The following TENM2 variants were observed in gnomAD, a reference collection of about 807,000 sequenced individuals.
TENM2 encodes teneurin transmembrane protein 2.
TENM2 carries 52 observed loss-of-function variants against 245.2 expected under a neutral mutation model. The observed-to-expected ratio is 0.21, with a 90% CI of 0.17 to 0.27. The LOEUF is 0.27. Among genes scored for constraint, TENM2 ranks in the 10% least tolerant of loss-of-function variants. TENM2 has a pLI of 1.00. For missense variants in TENM2, 3,046 were observed against 3,666.8 expected (o/e 0.83, Z 4.37); for synonymous variants, 1,363 against 1,438.9 (o/e 0.95, Z 1.19).
the TENM2 span, among the ~76,000 whole-genome samples, chr5:167,154,869 A>C: frequency 6.6e-6 from 1 of 152,240 alleles, no homozygotes; most frequent in African/African-American, 2.4e-5. Context: ...AGTGTTGGGC[A>C]CATAGAAAGT....
chr5:168,158,267 C>T lies in TENM2; in HGVS notation c.2423-4344C>T, dbSNP rs1055383034. On this transcript the variant is annotated intron_variant, in intron 12 of 28. Transcript: ENST00000518659. ...TGACAGAACTAGCCCATTAATATCA[C>T]TGGCGTCCTTAAAAATTCTCCCTGG... is the stretch of plus-strand genomic sequence containing the variant. 2.6e-5 allele frequency among the ~76,000 whole-genome samples: 4 copies of T among 152,274 alleles called. No individual in the cohort carries two copies. The South Asian group carries it at 8.3e-4, about 32-fold the overall frequency.
chr5:167,550,701 T>A (rs1310926380), intron 2 of TENM2, among the ~76,000 whole-genome samples: 1 of 1,632 alleles, frequency 6.1e-4, no homozygotes, highest in East Asian at 0.024. Flanking sequence ...TTGTTGTTAG[T>A]GTGTGTGTGT....
Position 167,821,287 on chromosome 5 carries a change from G to GT in TENM2, c.503-54698dup, listed in dbSNP as rs556604796. ...CTCACAGACATGAAGCTTCAGAATG[G>GT]TAAGTGTCAATTACATTCCTACCGA... On this transcript the variant is annotated intron_variant, in intron 2 of 28. Transcript: ENST00000518659. 18 of 152,288 alleles carry GT rather than the reference G, an allele frequency of 1.2e-4. No homozygotes were observed. The East Asian group carries it at 2.5e-3, about 21-fold the overall frequency. 9.4% of individuals were successfully genotyped at this position (152,288 alleles called of 1,614,324 possible).
At chr5:167,510,885 G>A (rs1476432347) in intron 2 of TENM2, among the ~76,000 whole-genome samples, 1 of 151,860 alleles carries the variant, frequency 6.6e-6, no homozygotes, top group Non-Finnish European at 1.5e-5. Context: ...TTAAATCATA[G>A]CTTTTTGTCA....
chr5:167,444,352 T>C (rs551190624), intron 2 of TENM2, among the ~76,000 whole-genome samples: 47 of 151,684 alleles, frequency 3.1e-4, no homozygotes, highest in African/African-American at 1.1e-3. Flanking sequence ...AAAAATTACA[T>C]TGGTGACTTT....
intron 2 of TENM2, among the ~76,000 whole-genome samples, chr5:167,837,975 G>A (rs1239035498): frequency 6.6e-6 from 1 of 152,162 alleles, no homozygotes; most frequent in Non-Finnish European, 1.5e-5. Context: ...CCCTCAGAAT[G>A]TCCAAGTGAA....
rs142112800 is a variant in TENM2, at chr5:167,766,444, G to A, written c.503-109542G>A. ...ATCAAAAGTGCAATTAGAAGCCATC[G>A]AAGGATGTTTCTTAGTTCAATTTAT... On this transcript the variant is annotated intron_variant, in intron 2 of 28. Coordinates refer to ENST00000518659, the Ensembl canonical transcript of TENM2. Among the ~76,000 whole-genome samples, 107 of 152,332 alleles carry A rather than the reference G, an allele frequency of 7.0e-4. 1 individual carries two copies. In the East Asian group the frequency reaches 0.018, roughly 26 times the overall value.
chr5:167,546,898 G>A (rs1293123335), intron 2 of TENM2, among the ~76,000 whole-genome samples: 1 of 152,068 alleles, frequency 6.6e-6, no homozygotes, highest in Non-Finnish European at 1.5e-5. Flanking sequence ...CAATCATTAT[G>A]CTGGCCTCCT....
intron 5 of TENM2, among the ~76,000 whole-genome samples, chr5:167,993,967 C>T (rs1783863576): frequency 6.6e-6 from 1 of 152,246 alleles, no homozygotes; most frequent in African/African-American, 2.4e-5. Flanking sequence ...GCTGAGCGCC[C>T]AGGGGCAGGG....
At chr5:167,634,545 C>T (rs1386065469) in intron 2 of TENM2, among the ~76,000 whole-genome samples, 1 of 150,092 alleles carries the variant, frequency 6.7e-6, no homozygotes, top group Non-Finnish European at 1.5e-5. Flanking sequence ...CATTCAACTA[C>T]TTAGATGCAG....
chr5:167,148,026 A>G, the TENM2 span, among the ~76,000 whole-genome samples: 1 of 152,160 alleles, frequency 6.6e-6, no homozygotes, highest in East Asian at 1.9e-4. Flanking sequence ...AGATTCCTAT[A>G]ACATGAAGAT....
intron 3 of TENM2, among the ~76,000 whole-genome samples, chr5:167,915,777 CAT>C (rs1776891103): frequency 6.6e-6 from 1 of 152,278 alleles, no homozygotes; most frequent in East Asian, 1.9e-4. Context: ...CCTAGGAAAA[CAT>C]ACTCAGCATT....
At chr5:167,770,267 T>G (rs1763315862) in intron 2 of TENM2, among the ~76,000 whole-genome samples, 1 of 152,084 alleles carries the variant, frequency 6.6e-6, no homozygotes, top group Non-Finnish European at 1.5e-5. Context: ...GCTTAGTGAT[T>G]AAGAATGAGT....
intron 1 of TENM2, among the ~76,000 whole-genome samples, chr5:167,357,300 CTTTT>C (rs11442891): frequency 7.1e-6 from 1 of 139,994 alleles, no homozygotes; most frequent in Non-Finnish European, 1.5e-5. Flanking sequence ...GCCATCCTTT[CTTTT>C]TTTTTTTTTT....
At chr5:167,958,373 T>C (rs576040826) in intron 4 of TENM2, among the ~76,000 whole-genome samples, 11 of 152,350 alleles carry the variant, frequency 7.2e-5, no homozygotes, top group Non-Finnish European at 1.5e-4. Context: ...TATATCTGTC[T>C]TTGCATGTGA....
chr5:167,744,844 C>CA (rs952261734), intron 2 of TENM2, among the ~76,000 whole-genome samples: 7 of 151,920 alleles, frequency 4.6e-5, no homozygotes, highest in African/African-American at 1.4e-4. Context: ...CAAAACAAAA[C>CA]AAAAAAACCG....
intron 9 of TENM2, among the ~76,000 whole-genome samples, chr5:168,115,110 A>G (rs1794952772): frequency 6.6e-6 from 1 of 152,118 alleles, no homozygotes; most frequent in Non-Finnish European, 1.5e-5. Context: ...CCTAGCCAAC[A>G]TGGTGAAATC....
intron 8 of TENM2, among the ~76,000 whole-genome samples, chr5:168,091,879 A>G (rs1208984538): frequency 6.6e-6 from 1 of 152,230 alleles, no homozygotes; most frequent in Non-Finnish European, 1.5e-5. Flanking sequence ...TAACTGGGCA[A>G]TTCACTTATC....
At chr5:167,391,622 C>CAAAAAAAAAAAA (rs56202184) in intron 2 of TENM2, among the ~76,000 whole-genome samples, 3 of 53,508 alleles carry the variant, frequency 5.6e-5, no homozygotes, top group East Asian at 5.5e-4. Flanking sequence ...AAGACTTCAT[C>CAAAAAAAAAAAA]AAAAAAAAAA....
Sources: allele counts gnomAD v4.1 joint callset (sites outside exome capture counted in the v4.1 genomes callset), GRCh38; gene constraint gnomAD v4.1.1; transcripts MANE v1.5; gene names NCBI Gene and HGNC (gene_info 2026-07-23, HGNC 2026-07-21).